Variants in ARPC1A observed in about 807,000 individuals in gnomAD.
ARPC1A encodes the protein actin related protein 2/3 complex subunit 1A.
A neutral mutation model predicts 46.9 loss-of-function variants in ARPC1A; 8 were observed. The observed-to-expected ratio is 0.17, with a 90% CI of 0.10 to 0.31. The LOEUF (loss-of-function observed/expected upper bound fraction) is 0.31. ARPC1A is among the 10% of genes least tolerant of loss of function. The probability of loss-of-function intolerance (pLI) is 1.00; values close to 1 mark genes in which losing one functional copy is unlikely to be tolerated. For missense variants in ARPC1A, 286 were observed against 483.6 expected, an observed-to-expected ratio of 0.59 and a Z score of 3.83; for synonymous variants, 152 against 169.0, an observed-to-expected ratio of 0.90 and a Z score of 0.78.
chr7:99,329,114 C>A lies in ARPC1A; in HGVS notation c.-30+3110C>A, dbSNP rs933868462. ...AGGATATCGAGACCATCCTGGCTAA[C>A]ACGGTGAAACCCCATCTCTACTAAA... On this transcript the variant is annotated intron_variant, in intron 1 of 9. Transcript: ENST00000262942. 2.6e-5 allele frequency among the ~76,000 whole-genome samples: 4 copies of A among 152,038 alleles called. No homozygotes were observed. In the East Asian group the frequency reaches 7.7e-4, roughly 29 times the overall value.
At chr7:99,336,200 A>T (rs1793248234) in intron 2 of ARPC1A, among the ~76,000 whole-genome samples, 1 of 152,172 alleles carries the variant, frequency 6.6e-6, no homozygotes, top group South Asian at 2.1e-4. Flanking sequence ...TATTAAGTCA[A>T]CATTTTTTGT....
intron 9 of ARPC1A, among the ~76,000 whole-genome samples, chr7:99,364,424 C>T (rs1224378926): frequency 1.3e-5 from 2 of 152,052 alleles, no homozygotes; most frequent in Non-Finnish European, 1.5e-5. Flanking sequence ...AGACATGTGC[C>T]ACCACGCCCA....
chr7:99,361,457 A>G (rs1315288216), intron 8 of ARPC1A, among the ~76,000 whole-genome samples: 2 of 123,522 alleles, frequency 1.6e-5, no homozygotes, highest in Non-Finnish European at 3.1e-5. Flanking sequence ...GTGAGATCCT[A>G]TCTCAAAAAA....
intron 9 of ARPC1A, 106 bp from the exon 10 acceptor site, chr7:99,365,785 G>T: frequency 8.0e-7 from 1 of 1,242,242 alleles, no homozygotes; most frequent in Non-Finnish European, 1.1e-6. Context: ...GCCAGGTTCA[G>T]GGTGGGGACA....
At position 99,338,211 on chromosome 7, in the gene ARPC1A, T is replaced by C; in HGVS notation, c.95T>C (p.Val32Ala). The change falls in exon 3 of 10, where the codon GTG becomes GCG. Residue 32 changes from valine (V) to alanine (A), a missense_variant. By Grantham distance (64) the Val-to-Ala change is moderately conservative. This residue lies in a region of ARPC1A where 55 missense variants were observed against 59.4 expected (regional missense o/e 0.93). Transcript: ENST00000262942. ...QIALSPNNHE[V>A]HIYKKNGSQW... is the part of the protein sequence containing the mutation. ...GCCCTCAGTCCCAATAATCACGAAG[T>C]GCACATCTATAAGAAGAACGGGAGC... 6.2e-7 allele frequency: 1 copy of C among 1,613,300 alleles called. No homozygotes were observed. The highest frequency in any genetic ancestry group is 2.2e-5 in the East Asian group (1 of 44,872).
intron 4 of ARPC1A, among the ~76,000 whole-genome samples, chr7:99,348,552 C>A (rs934448400): frequency 3.9e-5 from 6 of 152,120 alleles, no homozygotes; most frequent in African/African-American, 7.2e-5. Flanking sequence ...ACAAAAAATA[C>A]AAAAATTAGC....
chr7:99,348,066 T>A (rs1185732511), intron 4 of ARPC1A, among the ~76,000 whole-genome samples: 1 of 152,132 alleles, frequency 6.6e-6, no homozygotes, highest in East Asian at 1.9e-4. Context: ...CAACATGAGG[T>A]TCTTCTAATT....
intron 2 of ARPC1A, among the ~76,000 whole-genome samples, chr7:99,335,643 T>C (rs2150860443): frequency 6.6e-6 from 1 of 152,326 alleles, no homozygotes; most frequent in South Asian, 2.1e-4. Context: ...TTTGAATCTG[T>C]AGATTCACCA....
chr7:99,361,165 G>C (rs1238284623), intron 8 of ARPC1A, among the ~76,000 whole-genome samples: 1 of 152,058 alleles, frequency 6.6e-6, no homozygotes. Flanking sequence ...CAGCGGAGAA[G>C]GGGCAGCTGT....
chr7:99,344,261 G>A (rs773505343), intron 3 of ARPC1A, 32 bp from the exon 4 acceptor site: 3 of 1,608,810 alleles, frequency 1.9e-6, no homozygotes, highest in Non-Finnish European at 2.6e-6. Context: ...TCATTGACTG[G>A]GCAAAGCAGA....
At chr7:99,341,397 C>T (rs370158048) in intron 3 of ARPC1A, among the ~76,000 whole-genome samples, 9 of 151,998 alleles carry the variant, frequency 5.9e-5, no homozygotes, top group East Asian at 1.9e-4. Flanking sequence ...CACCTGAGGT[C>T]GGGAGTTCGA....
At chr7:99,344,868 T>C (rs1339278860) in intron 4 of ARPC1A, among the ~76,000 whole-genome samples, 1 of 150,620 alleles carries the variant, frequency 6.6e-6, no homozygotes, top group East Asian at 1.9e-4. Flanking sequence ...TTTTTTCTTT[T>C]TTTTTTTTTT....
chr7:99,336,514 CAG>C (rs1421260873), intron 2 of ARPC1A, among the ~76,000 whole-genome samples: 1 of 102,272 alleles, frequency 9.8e-6, no homozygotes, highest in Non-Finnish European at 1.8e-5. Context: ...TTTTTTGAGA[CAG>C]GGTCTCACTC....
At chr7:99,354,975 G>A (rs1212430406) in intron 6 of ARPC1A, among the ~76,000 whole-genome samples, 4 of 152,114 alleles carry the variant, frequency 2.6e-5, no homozygotes, top group East Asian at 1.9e-4. Context: ...TTAGCTGGAC[G>A]TGGTGGCACA....
intron 5 of ARPC1A, among the ~76,000 whole-genome samples, chr7:99,351,945 G>A (rs1435372383): frequency 6.6e-6 from 1 of 152,110 alleles, no homozygotes; most frequent in Non-Finnish European, 1.5e-5. Context: ...AGTGGAAACG[G>A]GCGACACCAC....
chr7:99,361,204 GAAA>G (rs1793734287), intron 8 of ARPC1A, among the ~76,000 whole-genome samples: 1 of 152,048 alleles, frequency 6.6e-6, no homozygotes, highest in Non-Finnish European at 1.5e-5. Flanking sequence ...ATGCTGTATT[GAAA>G]AATGAGAACC....
At chr7:99,363,674 AC>A (rs1793778683) in intron 9 of ARPC1A, 41 bp downstream of exon 9, 11 of 1,473,264 alleles carry the variant, frequency 7.5e-6, no homozygotes, top group African/African-American at 1.5e-5. Context: ...TTGTGTTAAA[AC>A]TTTTTTTTTT....
chr7:99,361,376 C>T (rs942060614), intron 8 of ARPC1A, among the ~76,000 whole-genome samples: 5 of 151,470 alleles, frequency 3.3e-5, no homozygotes, highest in Non-Finnish European at 7.4e-5. Context: ...TGTTGGCACG[C>T]ACCTGTAGTC....
intron 1 of ARPC1A, 43 bp downstream of exon 1, chr7:99,326,047 CTT>C (rs1793039295): frequency 6.6e-6 from 1 of 152,412 alleles, no homozygotes; most frequent in Non-Finnish European, 1.5e-5. Flanking sequence ...GTCGGCCTCT[CTT>C]GTCCAGGCCT....
Sources: gnomAD v4.1 joint callset for allele counts (sites outside exome capture counted in the v4.1 genomes callset) on GRCh38, gnomAD v4.1.1 for gene constraint, gnomAD v4.1.1 regional missense constraint, MANE v1.5 for transcripts, NCBI Gene and HGNC (gene_info 2026-07-23, HGNC 2026-07-21) for gene names.